ACOXL: variants seen among roughly 807,000 people sequenced by gnomAD.
ACOXL encodes the protein acyl-coenzyme A oxidase-like protein.
A neutral mutation model predicts 71.9 loss-of-function variants in ACOXL; 70 were observed. The ratio of observed to expected loss-of-function variants is 0.97; its 90% confidence interval spans 0.80 to 1.19. The LOEUF is 1.19. Ranked by LOEUF, ACOXL falls within the 50% of genes most tolerant of loss-of-function variation. The pLI is 0.00. For synonymous variants in ACOXL, 253 were observed against 281.6 expected, an observed-to-expected ratio of 0.90 and a Z score of 1.02; for missense variants, 703 against 736.3, an observed-to-expected ratio of 0.95 and a Z score of 0.52.
At chr2:111,009,070 A>G (rs72834597) in intron 14 of ACOXL, among the ~76,000 whole-genome samples, 20,274 of 152,128 alleles carry the variant, frequency 0.13, 1,478 homozygotes, top group East Asian at 0.23. Context: ...TGCCGTGCAA[A>G]CTTTTTAAAA....
At chr2:110,980,603 G>A (rs562373017) in intron 12 of ACOXL, among the ~76,000 whole-genome samples, 11 of 152,260 alleles carry the variant, frequency 7.2e-5, no homozygotes, top group African/African-American at 1.9e-4. Flanking sequence ...ACAGGAAATC[G>A]CAGAGGTGGC....
chr2:111,018,339 G>A (rs961570108), intron 14 of ACOXL, among the ~76,000 whole-genome samples: 1 of 152,204 alleles, frequency 6.6e-6, no homozygotes, highest in Non-Finnish European at 1.5e-5. Flanking sequence ...ATGGCAGAGC[G>A]TGCCCTGTCC....
chr2:110,886,581 G>C (rs1261880924), intron 10 of ACOXL, among the ~76,000 whole-genome samples: 1 of 151,958 alleles, frequency 6.6e-6, no homozygotes, highest in Admixed American at 6.6e-5. Context: ...GTTTCACCAT[G>C]TTGGCCAGGC....
intron 10 of ACOXL, among the ~76,000 whole-genome samples, chr2:110,908,323 G>C (rs2059533128): frequency 6.6e-6 from 1 of 152,178 alleles, no homozygotes; most frequent in Admixed American, 6.5e-5. Context: ...GTTTAGGTGG[G>C]CTAAAAGTAA....
At chr2:110,870,066 G>A (rs944863166) in intron 10 of ACOXL, among the ~76,000 whole-genome samples, 8 of 152,174 alleles carry the variant, frequency 5.3e-5, no homozygotes, top group East Asian at 1.9e-4. Context: ...TGGGGAGGGC[G>A]GAGGACTAGT....
chr2:110,901,105 A>G (rs915977800), intron 10 of ACOXL, among the ~76,000 whole-genome samples: 1 of 152,242 alleles, frequency 6.6e-6, no homozygotes. Flanking sequence ...AGTCTCCAGC[A>G]GCAGAGTGTC....
chr2:111,080,940 A>T (rs2067880129), intron 16 of ACOXL, among the ~76,000 whole-genome samples: 1 of 152,236 alleles, frequency 6.6e-6, no homozygotes, highest in Admixed American at 6.5e-5. Flanking sequence ...ATCTCAATAG[A>T]TACAGAAATG....
intron 12 of ACOXL, among the ~76,000 whole-genome samples, chr2:110,964,619 G>T (rs942225380): frequency 6.6e-6 from 1 of 152,164 alleles, no homozygotes; most frequent in African/African-American, 2.4e-5. Context: ...TTGCTCCTAC[G>T]CTACACACCT....
intron 16 of ACOXL, among the ~76,000 whole-genome samples, chr2:111,075,096 G>A (rs945531407): frequency 1.3e-5 from 2 of 152,086 alleles, no homozygotes; most frequent in African/African-American, 4.8e-5. Context: ...AGTAACACTG[G>A]CCTCATAAAA....
chr2:111,058,915 C>G (rs2066671090), intron 16 of ACOXL, among the ~76,000 whole-genome samples: 1 of 152,154 alleles, frequency 6.6e-6, no homozygotes, highest in Non-Finnish European at 1.5e-5. Flanking sequence ...TTGGGAAAAT[C>G]TTTCCACCTT....
intron 16 of ACOXL, among the ~76,000 whole-genome samples, chr2:111,092,252 G>A (rs1004305802): frequency 1.3e-5 from 2 of 152,116 alleles, no homozygotes; most frequent in Non-Finnish European, 2.9e-5. Context: ...ATTGAATATC[G>A]AGAGTTACGT....
At chr2:111,041,333 C>G (rs1252900740) in intron 15 of ACOXL, among the ~76,000 whole-genome samples, 1 of 152,184 alleles carries the variant, frequency 6.6e-6, no homozygotes, top group East Asian at 1.9e-4. Context: ...GCAATTGCAG[C>G]TGTCCTATCC....
At chr2:110,753,144 C>A (rs1347182690) in intron 1 of ACOXL, among the ~76,000 whole-genome samples, 1 of 152,024 alleles carries the variant, frequency 6.6e-6, no homozygotes, top group Non-Finnish European at 1.5e-5. Context: ...GACTCTGGCA[C>A]CTCCTCCTCT....
At chr2:110,845,435 C>T (rs1399725959) in intron 10 of ACOXL, among the ~76,000 whole-genome samples, 1 of 152,178 alleles carries the variant, frequency 6.6e-6, no homozygotes, top group Non-Finnish European at 1.5e-5. Flanking sequence ...GGAACACATG[C>T]AAACCCTAGC....
At chr2:110,777,861 G>A (rs1314513489) in intron 2 of ACOXL, among the ~76,000 whole-genome samples, 2 of 152,226 alleles carry the variant, frequency 1.3e-5, no homozygotes, top group Middle Eastern at 3.2e-3. Context: ...TCAAGGAGTC[G>A]GGGCAGGTGT....
intron 14 of ACOXL, among the ~76,000 whole-genome samples, chr2:111,000,781 G>A (rs1424799029): frequency 1.3e-5 from 2 of 152,172 alleles, no homozygotes; most frequent in African/African-American, 4.8e-5. Flanking sequence ...CAGGGCACTA[G>A]TCATATTGGA....
At chr2:110,962,980 T>G (rs1214367842) in intron 12 of ACOXL, among the ~76,000 whole-genome samples, 2 of 152,186 alleles carry the variant, frequency 1.3e-5, no homozygotes, top group African/African-American at 2.4e-5. Flanking sequence ...AGGCTTTGCT[T>G]CTTTCATGTT....
chr2:110,837,953 C>T (rs536856920), intron 9 of ACOXL, among the ~76,000 whole-genome samples: 40 of 152,306 alleles, frequency 2.6e-4, no homozygotes, highest in African/African-American at 6.7e-4. Flanking sequence ...GGCCAACCCA[C>T]GGGCCTCCCT....
intron 8 of ACOXL, 47 bp downstream of exon 8, chr2:110,801,771 C>T: frequency 6.4e-7 from 1 of 1,556,390 alleles, no homozygotes; most frequent in Non-Finnish European, 8.9e-7. Context: ...GATGATCTCA[C>T]TGCTCTCCAA....
Sources: gnomAD v4.1 joint callset for allele counts (sites outside exome capture counted in the v4.1 genomes callset) on GRCh38, gnomAD v4.1.1 for gene constraint, MANE v1.5 for transcripts, NCBI Gene and HGNC (gene_info 2026-07-23, HGNC 2026-07-21) for gene names.